TCF12: variants seen among roughly 807,000 people sequenced by gnomAD.
The protein encoded by TCF12 is transcription factor 12.
In TCF12, 45 loss-of-function variants were observed where a neutral mutation model predicts 86.0. The observed-to-expected ratio is 0.52, with a 90% CI of 0.41 to 0.67. The LOEUF (loss-of-function observed/expected upper bound fraction) is 0.67, where lower values mean the gene tolerates loss of function less well. Among genes scored for constraint, TCF12 ranks in the 30% least tolerant of loss-of-function variants. The probability of loss-of-function intolerance (pLI) is 0.00; values close to 1 mark genes in which losing one functional copy is unlikely to be tolerated. For synonymous variants in TCF12, 330 were observed against 299.6 expected, an observed-to-expected ratio of 1.10 and a Z score of -1.05; for missense variants, 881 against 859.9, an observed-to-expected ratio of 1.02 and a Z score of -0.31.
At chr15:57,104,451 T>TC (rs2049990964) in intron 5 of TCF12, among the ~76,000 whole-genome samples, 1 of 147,236 alleles carries the variant, frequency 6.8e-6, no homozygotes, top group Non-Finnish European at 1.5e-5. Context: ...TTTTTTTTTT[T>TC]TTTTTTTTGA....
At chr15:57,039,023 A>G (rs1414397713) in intron 3 of TCF12, among the ~76,000 whole-genome samples, 10 of 152,176 alleles carry the variant, frequency 6.6e-5, no homozygotes, top group Admixed American at 6.5e-4. Flanking sequence ...GTATGTGCCT[A>G]GCTCTTAATT....
chr15:57,097,261 T>C (rs1404666440), intron 5 of TCF12, among the ~76,000 whole-genome samples: 1 of 152,050 alleles, frequency 6.6e-6, no homozygotes, highest in African/African-American at 2.4e-5. Flanking sequence ...CTCTTTTGGC[T>C]TAGTGGGGTG....
At chr15:57,148,039 C>CTGCTAATTT (rs1297544601) in intron 5 of TCF12, among the ~76,000 whole-genome samples, 1 of 151,680 alleles carries the variant, frequency 6.6e-6, no homozygotes, top group African/African-American at 2.4e-5. Flanking sequence ...TCACCATGCC[C>CTGCTAATTT]TGCTAATTTT....
At chr15:57,283,512 G>A (rs1466559468) in intron 20 of TCF12, among the ~76,000 whole-genome samples, 5 of 152,124 alleles carry the variant, frequency 3.3e-5, no homozygotes, top group Admixed American at 6.5e-5. Context: ...TGATCCACCC[G>A]CCTCAGCCTC....
chr15:57,021,519 G>A (rs2065481194), intron 3 of TCF12, among the ~76,000 whole-genome samples: 1 of 152,218 alleles, frequency 6.6e-6, no homozygotes, highest in South Asian at 2.1e-4. Flanking sequence ...AACAGTTTGA[G>A]AATGCTATTC....
At chr15:57,227,590 G>T (rs2058949505) in intron 8 of TCF12, among the ~76,000 whole-genome samples, 1 of 152,146 alleles carries the variant, frequency 6.6e-6, no homozygotes, top group South Asian at 2.1e-4. Flanking sequence ...TGCAAGATAT[G>T]ATTTATGTGA....
At chr15:56,986,023 C>T (rs574660256) in intron 3 of TCF12, among the ~76,000 whole-genome samples, 30 of 151,976 alleles carry the variant, frequency 2.0e-4, no homozygotes, top group Non-Finnish European at 3.4e-4. Context: ...TTTGTCAGTT[C>T]TTTTGTAATG....
intron 3 of TCF12, among the ~76,000 whole-genome samples, chr15:56,975,935 A>G (rs2062572204): frequency 6.6e-6 from 1 of 151,622 alleles, no homozygotes; most frequent in Non-Finnish European, 1.5e-5. Context: ...GGGCTTTTGC[A>G]GAAGGACTCA....
chr15:57,280,707 A>G (rs1266674527), intron 19 of TCF12, among the ~76,000 whole-genome samples: 3 of 152,148 alleles, frequency 2.0e-5, no homozygotes, highest in Admixed American at 6.5e-5. Context: ...CCATCTCTGA[A>G]AAAATGGTTG....
intron 6 of TCF12, among the ~76,000 whole-genome samples, chr15:57,172,926 C>G (rs2055620330): frequency 1.3e-5 from 2 of 150,130 alleles, no homozygotes; most frequent in Admixed American, 1.3e-4. Flanking sequence ...CATAGTTAGA[C>G]TCTGTCTCTA....
At chr15:56,939,982 T>G (rs2060656623) in intron 3 of TCF12, among the ~76,000 whole-genome samples, 1 of 133,230 alleles carries the variant, frequency 7.5e-6, no homozygotes, top group South Asian at 2.5e-4. Context: ...TTTTTTTTTT[T>G]TTTTTTTTTG....
intron 8 of TCF12, among the ~76,000 whole-genome samples, chr15:57,215,028 A>AT (rs1229716784): frequency 6.6e-6 from 1 of 152,174 alleles, no homozygotes; most frequent in African/African-American, 2.4e-5. Flanking sequence ...AAAATGATGC[A>AT]TTATTTCACT....
chr15:56,983,069 T>G lies in TCF12; in HGVS notation c.148+61971T>G, dbSNP rs1055222642. ...GAAACAAAATATTCTTACACAAGGT[T>G]GTTGTTAGAAATAGTAGTAGCAGTG... On this transcript the variant is annotated intron_variant, in intron 3 of 20. Coordinates refer to ENST00000333725, the MANE Select transcript of TCF12 (RefSeq NM_207037.2). Among the ~76,000 whole-genome samples the G allele has an allele frequency of 4.6e-5, 7 of 152,338 alleles. No individual in the cohort carries two copies. In the South Asian group the frequency reaches 6.2e-4, roughly 14 times the overall value.
intron 18 of TCF12, among the ~76,000 whole-genome samples, chr15:57,272,275 A>G (rs8042322): frequency 0.74 from 112,810 of 152,096 alleles, 41,985 homozygotes; most frequent in East Asian, 0.82. Flanking sequence ...TATCCTTAGG[A>G]TGAATTTCCA....
chr15:57,035,055 A>G (rs1383345828), intron 3 of TCF12, among the ~76,000 whole-genome samples: 1 of 152,180 alleles, frequency 6.6e-6, no homozygotes, highest in African/African-American at 2.4e-5. Context: ...TGTTAATAAT[A>G]TTAACATTTT....
At chr15:57,174,748 T>C (rs1176887475) in intron 6 of TCF12, among the ~76,000 whole-genome samples, 1 of 152,032 alleles carries the variant, frequency 6.6e-6, no homozygotes, top group Non-Finnish European at 1.5e-5. Context: ...AATTAGAAAA[T>C]AAAATTAACA....
intron 18 of TCF12, among the ~76,000 whole-genome samples, chr15:57,268,061 C>T (rs562107164): frequency 1.3e-5 from 2 of 152,278 alleles, no homozygotes; most frequent in South Asian, 4.1e-4. Flanking sequence ...CCATGGAGCA[C>T]TGAGCTGACA....
In TCF12 at chr15:57,053,974, G is replaced by A. The variant is rs1223345345; in HGVS notation, c.149-9776G>A. Reference sequence around the variant, plus strand: ...TGATCCAGAAGATGATAGATAGCAGGAGATTAATTAATGAGTGAGTAAATG... The same window carrying A: ...TGATCCAGAAGATGATAGATAGCAGAAGATTAATTAATGAGTGAGTAAATG... On this transcript the variant is annotated intron_variant, in intron 3 of 20. Coordinates refer to ENST00000333725, the MANE Select transcript of TCF12 (RefSeq NM_207037.2). Among the ~76,000 whole-genome samples, 3 of 152,196 alleles carry A rather than the reference G, an allele frequency of 2.0e-5. No homozygotes were observed. In the South Asian group the frequency reaches 6.2e-4, roughly 32 times the overall value.
At position 56,926,312 on chromosome 15, in the gene TCF12, C is replaced by CAAA. The variant is rs10648785; in HGVS notation, c.148+5225_148+5227dup. Among the ~76,000 whole-genome samples, 106 of 127,440 alleles carry CAAA rather than the reference C, an allele frequency of 8.3e-4. 3 individuals carry two copies. In the South Asian group the frequency reaches 0.018, roughly 22 times the overall value. 83.6% of individuals were successfully genotyped at this position (127,440 alleles called of 152,430 possible). A position where few individuals can be genotyped will look rare whatever the true frequency, so the allele number is the denominator to read the frequency against. On this transcript the variant is annotated intron_variant, in intron 3 of 20. Coordinates refer to ENST00000333725, the MANE Select transcript of TCF12 (RefSeq NM_207037.2). The stretch of plus-strand genomic sequence containing the variant: ...TGGGTGACAGAGGGAGACTCTGTCT[C>CAAA]AAAAAAAAAAAAACAGTGGAGAAAT...
Sources: gnomAD v4.1 joint callset for allele counts (sites outside exome capture counted in the v4.1 genomes callset) on GRCh38, gnomAD v4.1.1 for gene constraint, MANE v1.5 for transcripts, NCBI Gene and HGNC (gene_info 2026-07-23, HGNC 2026-07-21) for gene names.